The following DNAJC17 variants were observed in gnomAD, a reference collection of about 807,000 sequenced individuals.
The protein encoded by DNAJC17 is dnaJ homolog subfamily C member 17.
Under a neutral mutation model 48.1 loss-of-function variants are expected in DNAJC17, and 35 were observed. That is an observed-to-expected ratio of 0.73 (90% CI 0.56 to 0.96). The LOEUF is 0.96. DNAJC17 is among the 50% of genes least tolerant of loss of function. The probability of loss-of-function intolerance (pLI) is 0.00; values close to 1 mark genes in which losing one functional copy is unlikely to be tolerated. For synonymous variants in DNAJC17, 117 were observed against 142.7 expected (o/e 0.82, Z 1.28); for missense variants, 355 against 377.1 (o/e 0.94, Z 0.48).
rs755561233 is a variant in DNAJC17 at position 40,765,936 on chromosome 15, C to T, written c.*2004G>A. ...GGAAACAACTTGTAAGTAGCAGCCT[C>T]CCTCAGTATCCTCTCCCTGCCAGCC... On this transcript the variant is annotated 3_prime_UTR_variant, in exon 11 of 11. Coordinates refer to ENST00000220496, the MANE Select transcript of DNAJC17 (RefSeq NM_018163.3). The T allele has an allele frequency of 7.3e-7, 1 of 1,375,622 alleles. No homozygotes were observed. Among genetic ancestry groups the T allele is most frequent in the Non-Finnish European group, 1.0e-6 (1 of 979,550 alleles). 85.2% of individuals were successfully genotyped at this position (1,375,622 alleles called of 1,614,324 possible). A position where few individuals can be genotyped will look rare whatever the true frequency, so the allele number is the denominator to read the frequency against.
intron 1 of DNAJC17, among the ~76,000 whole-genome samples, chr15:40,800,505 T>A (rs1358470409): frequency 3.3e-5 from 5 of 151,826 alleles, no homozygotes; most frequent in Admixed American, 2.6e-4. Context: ...TTTTAATTTT[T>A]TTACAGACAG....
At chr15:40,772,959 C>CT (rs754542485) in intron 10 of DNAJC17, among the ~76,000 whole-genome samples, 4,960 of 133,594 alleles carry the variant, frequency 0.037, 131 homozygotes, top group Non-Finnish European at 0.051. Flanking sequence ...AGAGTTCCTT[C>CT]TTTTTTTTTT....
At chr15:40,804,910 G>A (rs928239702) in intron 1 of DNAJC17, among the ~76,000 whole-genome samples, 3 of 152,088 alleles carry the variant, frequency 2.0e-5, no homozygotes, top group African/African-American at 7.2e-5. Flanking sequence ...GCTGAGGCAG[G>A]AGAATTCCCT....
At chr15:40,800,524 T>C (rs1370477236) in intron 1 of DNAJC17, among the ~76,000 whole-genome samples, 1 of 151,500 alleles carries the variant, frequency 6.6e-6, no homozygotes, top group Non-Finnish European at 1.5e-5. Context: ...AGAGTTTCAC[T>C]CTGTCACCCA....
At chr15:40,775,134 T>C in intron 7 of DNAJC17, 26 bp from the exon 8 acceptor site, 1 of 1,613,038 alleles carries the variant, frequency 6.2e-7, no homozygotes, top group African/African-American at 1.3e-5. Flanking sequence ...CATGAAACAC[T>C]GATTCTTGGC....
At chr15:40,800,256 C>T (rs147263571) in intron 1 of DNAJC17, among the ~76,000 whole-genome samples, 4,201 of 152,070 alleles carry the variant, frequency 0.028, 191 homozygotes, top group African/African-American at 0.096. Flanking sequence ...TTAGTAGAGA[C>T]GGGGTTTCAC....
chr15:40,779,816 C>G, intron 2 of DNAJC17, 112 bp downstream of exon 2: 1 of 1,302,180 alleles, frequency 7.7e-7, no homozygotes, highest in Non-Finnish European at 1.1e-6. Flanking sequence ...TTGCCTGGAG[C>G]CAGGCAATGT....
Position 40,767,023 on chromosome 15 carries a change from T to G in DNAJC17, c.*917A>C. The G allele has an allele frequency of 2.3e-6, 1 of 426,886 alleles. No individual in the cohort carries two copies. 26.4% of individuals were successfully genotyped at this position (426,886 alleles called of 1,614,324 possible). ...CACAACAGTGGCACCTTCACTAGCT[T>G]GTTGGGAAGAATAAATGAGATAGCT... On this transcript the variant is annotated 3_prime_UTR_variant, in exon 11 of 11. Transcript: ENST00000220496.
chr15:40,794,441 G>A (rs146897398), intron 1 of DNAJC17, among the ~76,000 whole-genome samples: 118 of 152,264 alleles, frequency 7.7e-4, no homozygotes, highest in African/African-American at 2.8e-3. Flanking sequence ...GGAGGCCAAG[G>A]CCAGAGGATC....
chr15:40,771,743 T>A (rs565133687), intron 10 of DNAJC17: 1 of 167,588 alleles, frequency 6.0e-6, no homozygotes, highest in African/African-American at 2.4e-5. Context: ...TAAACATCGC[T>A]GCACAAAGTT....
At chr15:40,774,162 C>G in intron 9 of DNAJC17, 194 bp downstream of exon 9, 1 of 652,338 alleles carries the variant, frequency 1.5e-6, no homozygotes, top group East Asian at 2.7e-5. Context: ...CCCCAGAGCA[C>G]CCCCCATCCA....
chr15:40,779,752 A>G (rs754855379), intron 2 of DNAJC17, 149 bp from the exon 3 acceptor site: 2 of 1,081,126 alleles, frequency 1.8e-6, no homozygotes, highest in Non-Finnish European at 2.7e-6. Context: ...AGGAGGGGTG[A>G]GCATATCAGC....
rs895059280 is a variant in DNAJC17 at position 40,770,509 on chromosome 15, G to A, written c.793-2447C>T. On this transcript the variant is annotated intron_variant, in intron 10 of 10. Transcript: ENST00000220496. The surrounding 1 kb of genome is among the most constrained non-coding windows in gnomAD (Gnocchi z 5.0). Reference sequence around the variant, plus strand: ...CCCCTGGGCCCCATGGAGACCTGGCGGAAAGGCTCCTTCCGCAACGCCTCC... The same window carrying A: ...CCCCTGGGCCCCATGGAGACCTGGCAGAAAGGCTCCTTCCGCAACGCCTCC... 1.5e-5 allele frequency: 24 copies of A among 1,549,694 alleles called. No homozygotes were observed. The highest frequency in any genetic ancestry group is 5.5e-5 in the African/African-American group (4 of 73,034).
At chr15:40,804,529 G>A (rs1465550118) in intron 1 of DNAJC17, among the ~76,000 whole-genome samples, 2 of 152,108 alleles carry the variant, frequency 1.3e-5, no homozygotes, top group South Asian at 2.1e-4. Context: ...CCAGGAAGTC[G>A]AGGCTGCAGT....
intron 10 of DNAJC17, among the ~76,000 whole-genome samples, chr15:40,768,717 G>A (rs1306364977): frequency 1.3e-5 from 2 of 152,248 alleles, no homozygotes; most frequent in Admixed American, 1.3e-4. Flanking sequence ...AAGGCTGTAG[G>A]GTGGAGAAGC....
chr15:40,783,964 C>T (rs1370932474), intron 1 of DNAJC17, among the ~76,000 whole-genome samples: 4 of 152,092 alleles, frequency 2.6e-5, no homozygotes, highest in Non-Finnish European at 2.9e-5. Flanking sequence ...TGGTGGCTCA[C>T]GCCTGTAATC....
At chr15:40,772,942 G>C (rs1194952822) in intron 10 of DNAJC17, among the ~76,000 whole-genome samples, 2 of 151,966 alleles carry the variant, frequency 1.3e-5, no homozygotes, top group African/African-American at 4.8e-5. Flanking sequence ...GTGTCAGCAG[G>C]GTAGCCAGAG....
intron 9 of DNAJC17, chr15:40,774,153 C>A (rs1889247837): frequency 3.1e-6 from 2 of 637,136 alleles, no homozygotes; most frequent in Admixed American, 2.9e-5. Context: ...CTCCTTTCTC[C>A]CCAGAGCACC....
intron 1 of DNAJC17, among the ~76,000 whole-genome samples, chr15:40,784,596 A>C (rs1357690472): frequency 6.6e-6 from 1 of 152,194 alleles, no homozygotes; most frequent in East Asian, 1.9e-4. Context: ...AAAGCCATAC[A>C]AACATTACTT....
Sources: allele counts gnomAD v4.1 joint callset (sites outside exome capture counted in the v4.1 genomes callset), GRCh38; gene constraint gnomAD v4.1.1; non-coding constraint Gnocchi (gnomAD v3.1); transcripts MANE v1.5; gene names NCBI Gene and HGNC (gene_info 2026-07-23, HGNC 2026-07-21).